Variants in LAMB1 observed in about 807,000 individuals in gnomAD.
LAMB1 encodes the protein laminin subunit beta-1.
Under a neutral mutation model 222.3 loss-of-function variants are expected in LAMB1, and 121 were observed. The ratio of observed to expected loss-of-function variants is 0.54; its 90% CI spans 0.47 to 0.63. The LOEUF (loss-of-function observed/expected upper bound fraction) is 0.63, where lower values mean the gene tolerates loss of function less well. Ranked by LOEUF, LAMB1 falls within the 30% of genes least tolerant of loss-of-function variation. The pLI is 0.00. For missense variants in LAMB1, 2,172 were observed against 2,240.8 expected (o/e 0.97, Z 0.62); for synonymous variants, 794 against 807.2 (o/e 0.98, Z 0.28).
chr7:107,989,940 T>C (rs2034148931), intron 5 of LAMB1, among the ~76,000 whole-genome samples: 1 of 152,242 alleles, frequency 6.6e-6, no homozygotes, highest in Non-Finnish European at 1.5e-5. Context: ...CCATACTCTC[T>C]GCTTAGTCAT....
intron 3 of LAMB1, among the ~76,000 whole-genome samples, chr7:108,000,264 G>A (rs1179046782): frequency 6.6e-6 from 1 of 151,828 alleles, no homozygotes; most frequent in Non-Finnish European, 1.5e-5. Flanking sequence ...AAGCAGTCTA[G>A]ACATCTCTGT....
rs575228749 is a variant in LAMB1 at position 107,984,664 on chromosome 7, G to A, written c.676+1358C>T. ...CCATGTGAATAAACCTGGAAACATG[G>A]ATGGCCTTATAACTAGGGTTGCCAG... is the stretch of plus-strand genomic sequence containing the variant. On this transcript the variant is annotated intron_variant, in intron 7 of 33. Transcript: ENST00000222399. Among the ~76,000 whole-genome samples, 3 of 152,302 alleles carry A rather than the reference G, an allele frequency of 2.0e-5. No homozygotes were observed. In the South Asian group the frequency reaches 6.2e-4, roughly 32 times the overall value.
rs779355148 is a variant in LAMB1 at position 107,935,368 on chromosome 7, T to C, written c.4188+47A>G. ...CTTTGTTTTTTTTTTTTTTTTTTTTTTTTTTGCTTGGCACCATAGCAGTAA... is the reference window on the plus strand; with the variant it reads ...CTTTGTTTTTTTTTTTTTTTTTTTTCTTTTTGCTTGGCACCATAGCAGTAA... On this transcript the variant is annotated intron_variant, in intron 27 of 33. Coordinates refer to ENST00000222399, the MANE Select transcript of LAMB1 (RefSeq NM_002291.3). 3 of 1,144,972 alleles carry C rather than the reference T, an allele frequency of 2.6e-6. No individual in the cohort carries two copies. In the African/African-American group the frequency reaches 5.0e-5, roughly 19 times the overall value. 70.9% of individuals were successfully genotyped at this position (1,144,972 alleles called of 1,614,324 possible).
At position 107,994,870 on chromosome 7, in the gene LAMB1, A is replaced by T; in HGVS notation, c.423+17T>A. Reference sequence around the variant, plus strand: ...TGCTCTCATGTGTCATTTGTGAGAAAGTCATGGATTTCTTACCTTGAAAGT... The same window carrying T: ...TGCTCTCATGTGTCATTTGTGAGAATGTCATGGATTTCTTACCTTGAAAGT... On this transcript the variant is annotated intron_variant, in intron 5 of 33. Transcript: ENST00000222399. 2 of 1,467,330 alleles carry T rather than the reference A, an allele frequency of 1.4e-6. No homozygotes were observed. The highest frequency in any genetic ancestry group is 1.9e-6 in the Non-Finnish European group (2 of 1,048,610). The allele number at this position is 1,467,330 out of a possible 1,614,324, so 90.9% of individuals were successfully genotyped here.
At chr7:107,978,453 AT>A (rs1369091143) in intron 8 of LAMB1, among the ~76,000 whole-genome samples, 1 of 144,440 alleles carries the variant, frequency 6.9e-6, no homozygotes, top group Non-Finnish European at 1.5e-5. Context: ...ATTACTTAAA[AT>A]TAAAAAAAAA....
chr7:107,959,550 C>A, intron 19 of LAMB1, 70 bp from the exon 20 acceptor site: 2 of 1,605,758 alleles, frequency 1.2e-6, no homozygotes, highest in Non-Finnish European at 1.7e-6. Context: ...CTTTTATAAG[C>A]ACCCTGTCCC....
At chr7:107,987,882 G>A (rs934032946) in intron 5 of LAMB1, among the ~76,000 whole-genome samples, 4 of 152,188 alleles carry the variant, frequency 2.6e-5, no homozygotes, top group South Asian at 2.1e-4. Context: ...GAGGTTGGTC[G>A]GGGCAGGTAA....
chr7:107,927,703 C>G lies in LAMB1; in HGVS notation c.4888-1344G>C, dbSNP rs143243507. Among the ~76,000 whole-genome samples, 4 of 152,154 alleles carry G rather than the reference C, an allele frequency of 2.6e-5. No individual in the cohort carries two copies. The East Asian group carries it at 7.7e-4, about 29-fold the overall frequency. On this transcript the variant is annotated intron_variant, in intron 31 of 33. Coordinates refer to ENST00000222399, the MANE Select transcript of LAMB1 (RefSeq NM_002291.3). ...TGAGAAAATGGAAAAACCTAGAGAT[C>G]GAAACATCAAAATATTTATAGTCTG... is the stretch of plus-strand genomic sequence containing the variant.
chr7:107,967,161 G>T (rs2033653181), intron 13 of LAMB1, among the ~76,000 whole-genome samples: 1 of 152,178 alleles, frequency 6.6e-6, no homozygotes, highest in African/African-American at 2.4e-5. Flanking sequence ...CTTATCCTCA[G>T]CTCTGCTGTT....
At position 108,001,831 on chromosome 7, in the gene LAMB1, A is replaced by G. The variant is rs750638119; in HGVS notation, c.38-98T>C. On this transcript the variant is annotated intron_variant, in intron 2 of 33. Coordinates refer to ENST00000222399, the MANE Select transcript of LAMB1 (RefSeq NM_002291.3). ...GGGGCGGGGGAGTGGGTGCGGAGAG[A>G]GGACAGTCCATTCGGAAGAAAGCAA... The G allele has an allele frequency of 2.0e-5, 31 of 1,545,328 alleles. No individual in the cohort carries two copies. The African/African-American group carries it at 4.1e-4, about 20-fold the overall frequency.
At chr7:107,953,964 C>T (rs1366491516) in intron 21 of LAMB1, among the ~76,000 whole-genome samples, 1 of 152,074 alleles carries the variant, frequency 6.6e-6, no homozygotes, top group East Asian at 1.9e-4. Flanking sequence ...TGGCAAAAAC[C>T]ATAGTAACTT....
intron 7 of LAMB1, among the ~76,000 whole-genome samples, chr7:107,983,547 CTTTTTTTTTTT>C (rs11458116): frequency 9.0e-6 from 1 of 111,144 alleles, no homozygotes; most frequent in African/African-American, 3.6e-5. Flanking sequence ...CTCCAAAGCC[CTTTTTTTTTTT>C]TTTTTTTTTT....
chr7:107,962,701 G>A (rs183495439), intron 15 of LAMB1, among the ~76,000 whole-genome samples: 26 of 124,450 alleles, frequency 2.1e-4, no homozygotes, highest in South Asian at 1.0e-3. Flanking sequence ...ACAACAGAGC[G>A]AGACTCAAAA....
intron 27 of LAMB1, 183 bp from the exon 28 acceptor site, chr7:107,932,560 C>T (rs530104647): frequency 3.3e-6 from 2 of 608,530 alleles, no homozygotes; most frequent in East Asian, 2.8e-5. Context: ...AACTAACCTG[C>T]TTATTTCCAA....
In LAMB1 at chr7:107,975,221, C is replaced by T; in HGVS notation, c.1369+13G>A. ...ACAAGAAAACTCCCAAACTTTTTAG[C>T]AAACAGACCTACATTTACAACCAAA... On this transcript the variant is annotated intron_variant, in intron 11 of 33. Coordinates refer to ENST00000222399, the MANE Select transcript of LAMB1 (RefSeq NM_002291.3). The T allele has an allele frequency of 7.5e-6, 12 of 1,600,538 alleles. No individual in the cohort carries two copies. The highest frequency in any genetic ancestry group is 1.0e-5 in the Non-Finnish European group (12 of 1,170,528).
chr7:107,935,470 A>T lies in LAMB1; in HGVS notation c.4133T>A (p.Leu1378His), dbSNP rs769712243. The change falls in exon 27 of 34, where the codon CTT becomes CAT. Residue 1378 changes from leucine (L) to histidine (H), a missense_variant. Physicochemically the swap from Leu to His is moderately conservative, Grantham distance 99 (BLOSUM62 -3). Coordinates refer to ENST00000222399, the MANE Select transcript of LAMB1 (RefSeq NM_002291.3). ...TTGTAGCTTGCCTGCCAGTTCATCA[A>T]GGAGGCGAGCCTGCTCCTCTTGTTT... ...KEKQEEQARL[L>H]DELAGKLQSL... is the part of the protein sequence containing the mutation. 1.2e-5 allele frequency: 20 copies of T among 1,612,482 alleles called. No homozygotes were observed. The South Asian group carries it at 2.0e-4, about 16-fold the overall frequency.
chr7:107,975,299 T>C lies in LAMB1; in HGVS notation c.1304A>G (p.Glu435Gly). The C allele has an allele frequency of 6.2e-7, 1 of 1,614,036 alleles. No individual in the cohort carries two copies. Among genetic ancestry groups the C allele is most frequent in the Non-Finnish European group, 8.5e-7 (1 of 1,179,970 alleles). ...QCRCKLNVEG[E>G]HCDVCKEGFY... ...GCCTTCTTTGCAAACATCACAATGT[T>C]CTCCTTCCACATTTAATTTACACCG... Residue 435 changes from glutamate (E) to glycine (G), a missense_variant, in exon 11 of 34, where the codon GAA (glutamate) becomes GGA (glycine). Coordinates refer to ENST00000222399, the MANE Select transcript of LAMB1 (RefSeq NM_002291.3).
In LAMB1 at chr7:107,923,954, C is replaced by A. The variant is rs369886731; in HGVS notation, c.5358G>T (p.Leu1786Phe). ...SQKVAVYSTC[L>F] is the part of the protein sequence containing the mutation. ...AGCCATTTTTTATTCTCCTCTGTTACAAGCATGTGCTATACACAGCAACTT... is the reference window on the plus strand; with the variant it reads ...AGCCATTTTTTATTCTCCTCTGTTAAAAGCATGTGCTATACACAGCAACTT... Residue 1786 changes from leucine to phenylalanine, a missense_variant, in exon 34 of 34, where the codon TTG (leucine) becomes TTT (phenylalanine). Physicochemically the swap from Leu to Phe is conservative, Grantham distance 22. Transcript: ENST00000222399. The A allele has an allele frequency of 6.2e-7, 1 of 1,605,612 alleles. No homozygotes were observed. The highest frequency in any genetic ancestry group is 1.7e-5 in the Admixed American group (1 of 57,648).
At chr7:108,003,074 AGT>A in intron 1 of LAMB1, 35 bp downstream of exon 1, 1 of 1,342,618 alleles carries the variant, frequency 7.4e-7, no homozygotes, top group Non-Finnish European at 9.8e-7. Context: ...TGGGCTGGAA[AGT>A]GGGGAAAATC....
Sources: gnomAD v4.1 joint callset for allele counts (sites outside exome capture counted in the v4.1 genomes callset) on GRCh38, gnomAD v4.1.1 for gene constraint, MANE v1.5 for transcripts, NCBI Gene and HGNC (gene_info 2026-07-23, HGNC 2026-07-21) for gene names.